Variants in FANCL observed in about 807,000 individuals in gnomAD.
The protein encoded by FANCL is E3 ubiquitin-protein ligase FANCL.
A neutral mutation model predicts 59.4 loss-of-function variants in FANCL; 69 were observed. The ratio of observed to expected loss-of-function variants is 1.16; its 90% CI spans 0.96 to 1.42. The LOEUF is 1.42. Among genes scored for constraint, FANCL ranks in the 40% most tolerant of loss-of-function variants. The pLI, the probability that FANCL is intolerant of heterozygous loss-of-function variation, is 0.00. For synonymous variants in FANCL, 180 were observed against 147.1 expected (o/e 1.22, Z -1.62); for missense variants, 519 against 447.2 (o/e 1.16, Z -1.45).
chr2:58,200,599 G>T (rs1019940155), intron 6 of FANCL, among the ~76,000 whole-genome samples: 2 of 151,888 alleles, frequency 1.3e-5, no homozygotes, highest in African/African-American at 2.4e-5. Context: ...TGTATTTGGA[G>T]TAGATACACA....
At chr2:58,203,116 AAT>A (rs1301933620) in intron 6 of FANCL, among the ~76,000 whole-genome samples, 3 of 151,804 alleles carry the variant, frequency 2.0e-5, no homozygotes, top group African/African-American at 7.2e-5. Context: ...TTTTACAAAT[AAT>A]GAGATTTCCA....
At chr2:58,227,032 A>T (rs1693076914) in intron 3 of FANCL, among the ~76,000 whole-genome samples, 1 of 152,110 alleles carries the variant, frequency 6.6e-6, no homozygotes, top group African/African-American at 2.4e-5. Context: ...GTCACTTAAA[A>T]CCTCACACTA....
At chr2:58,187,560 T>TATA (rs960854179) in intron 7 of FANCL, among the ~76,000 whole-genome samples, 3 of 150,332 alleles carry the variant, frequency 2.0e-5, no homozygotes, top group African/African-American at 7.4e-5. Flanking sequence ...AAACTTAAAG[T>TATA]ATAATAATAA....
chr2:58,188,365 T>C (rs563400546), intron 7 of FANCL, among the ~76,000 whole-genome samples: 1 of 152,320 alleles, frequency 6.6e-6, no homozygotes, highest in South Asian at 2.1e-4. Flanking sequence ...TTCAGAGTTA[T>C]TTTAACTATC....
At chr2:58,216,711 G>A (rs1460665757) in intron 5 of FANCL, among the ~76,000 whole-genome samples, 4 of 152,032 alleles carry the variant, frequency 2.6e-5, no homozygotes, top group Non-Finnish European at 5.9e-5. Flanking sequence ...ACAAAAAAGT[G>A]AAAACAGAAT....
At chr2:58,226,855 T>C (rs1026442580) in intron 3 of FANCL, 71 bp from the exon 4 acceptor site, 6 of 1,290,094 alleles carry the variant, frequency 4.7e-6, no homozygotes, top group Middle Eastern at 1.9e-4. Context: ...TGTAAAAAAA[T>C]GTAGGCCCAA....
chr2:58,169,163 G>T (rs1297025317), intron 7 of FANCL, among the ~76,000 whole-genome samples: 1 of 152,282 alleles, frequency 6.6e-6, no homozygotes, highest in East Asian at 1.9e-4. Flanking sequence ...AGCTCCAGCT[G>T]GCATCTGGAG....
intron 7 of FANCL, among the ~76,000 whole-genome samples, chr2:58,186,990 T>C (rs1688465163): frequency 1.3e-5 from 2 of 152,102 alleles, no homozygotes; most frequent in East Asian, 1.9e-4. Context: ...GTTCAACCAT[T>C]GTGGAAGACA....
chr2:58,189,305 T>C (rs978550655), intron 7 of FANCL, among the ~76,000 whole-genome samples: 1 of 151,886 alleles, frequency 6.6e-6, no homozygotes, highest in African/African-American at 2.4e-5. Context: ...TCATTCTGAT[T>C]TATGAACAGT....
intron 1 of FANCL, among the ~76,000 whole-genome samples, chr2:58,239,412 C>T (rs1452842813): frequency 6.6e-6 from 1 of 152,144 alleles, no homozygotes; most frequent in Admixed American, 6.5e-5. Context: ...AATTGAGATA[C>T]ATTCTACCTA....
At chr2:58,207,190 C>G (rs1377003461) in intron 5 of FANCL, among the ~76,000 whole-genome samples, 4 of 152,148 alleles carry the variant, frequency 2.6e-5, no homozygotes, top group African/African-American at 9.7e-5. Context: ...TCCTCTTACT[C>G]TCCTTTCCTG....
chr2:58,231,155 A>T lies in FANCL; in HGVS notation c.155+899T>A, dbSNP rs376384949. ...TCTCCTTGTAAGTTCCTCTTTAGTG[A>T]CCAGTCCTTTAAATGTTGGTACGCC... On this transcript the variant is annotated intron_variant, in intron 2 of 13. Coordinates refer to ENST00000233741, the MANE Select transcript of FANCL (RefSeq NM_018062.4). 3.2e-4 allele frequency among the ~76,000 whole-genome samples: 49 copies of T among 152,192 alleles called. No homozygotes were observed. The South Asian group carries it at 9.5e-3, about 30-fold the overall frequency.
Position 58,159,338 on chromosome 2 carries a change from T to G in FANCL, c.*427A>C, listed in dbSNP as rs772225810. Reference sequence around the variant, plus strand: ...CTAACAAACTAAACTATATATGTATTTTTTCCATAGGAAAGCACAAGGAGA... The same window carrying G: ...CTAACAAACTAAACTATATATGTATGTTTTCCATAGGAAAGCACAAGGAGA... On this transcript the variant is annotated 3_prime_UTR_variant, in exon 14 of 14. Transcript: ENST00000233741. 28 of 1,581,952 alleles carry G rather than the reference T, an allele frequency of 1.8e-5. No individual in the cohort carries two copies. Among genetic ancestry groups the G allele is most frequent in the Non-Finnish European group, 2.2e-5 (26 of 1,167,332 alleles).
chr2:58,160,031 C>T, intron 13 of FANCL, 77 bp downstream of exon 13: 1 of 1,598,882 alleles, frequency 6.3e-7, no homozygotes, highest in South Asian at 1.1e-5. Context: ...AACTGATATA[C>T]TATATAGATC....
chr2:58,169,361 T>G (rs956062030), intron 7 of FANCL, among the ~76,000 whole-genome samples: 1 of 151,752 alleles, frequency 6.6e-6, no homozygotes, highest in South Asian at 2.1e-4. Context: ...AGCATCAACA[T>G]CAACAAAAAG....
At chr2:58,217,177 T>C (rs796277560) in intron 5 of FANCL, among the ~76,000 whole-genome samples, 3 of 9,206 alleles carry the variant, frequency 3.3e-4, no homozygotes, top group Non-Finnish European at 5.8e-4. Flanking sequence ...TATATATATA[T>C]ATATATATAT....
At chr2:58,190,545 G>A (rs1047587559) in intron 7 of FANCL, among the ~76,000 whole-genome samples, 2 of 149,384 alleles carry the variant, frequency 1.3e-5, no homozygotes, top group Non-Finnish European at 3.0e-5. Flanking sequence ...CTAGCTTTTT[G>A]TTCCAGTTAG....
Position 58,159,483 on chromosome 2 carries a change from A to AGAT in FANCL, c.*279_*281dup, listed in dbSNP as rs1558723275. ...AGCCTCATCAAGATTTTACCAGTCC[A>AGAT]GATATATTCAAGAAGTCAAGATCTC... On this transcript the variant is annotated 3_prime_UTR_variant, in exon 14 of 14. Coordinates refer to ENST00000233741, the MANE Select transcript of FANCL (RefSeq NM_018062.4). 1 of 1,613,742 alleles carries AGAT rather than the reference A, an allele frequency of 6.2e-7. No individual in the cohort carries two copies. The highest frequency in any genetic ancestry group is 8.5e-7 in the Non-Finnish European group (1 of 1,179,766).
chr2:58,165,346 T>TG (rs1685789019), intron 8 of FANCL, among the ~76,000 whole-genome samples: 4 of 152,188 alleles, frequency 2.6e-5, no homozygotes, highest in Admixed American at 2.6e-4. Context: ...TATTCCCAGA[T>TG]CTGAGCACAC....
Sources: allele counts gnomAD v4.1 joint callset (sites outside exome capture counted in the v4.1 genomes callset), GRCh38; gene constraint gnomAD v4.1.1; transcripts MANE v1.5; gene names NCBI Gene and HGNC (gene_info 2026-07-23, HGNC 2026-07-21).